Variants in HDAC9 observed in about 807,000 individuals in gnomAD.
The protein encoded by HDAC9 is histone deacetylase 9, also known as MEF-2 interacting transcription repressor (MITR) protein.
HDAC9 carries 41 observed loss-of-function variants against 139.4 expected under a neutral mutation model. That is an observed-to-expected ratio of 0.29 (90% CI 0.23 to 0.38). HDAC9 has a LOEUF of 0.38. HDAC9 is among the 10% of genes least tolerant of loss of function. The pLI is 1.00. For missense variants in HDAC9, 1,147 were observed against 1,297.0 expected, an observed-to-expected ratio of 0.88 and a Z score of 1.78; for synonymous variants, 517 against 476.2, an observed-to-expected ratio of 1.09 and a Z score of -1.12.
At chr7:18,404,052 G>T (rs1787784906) in intron 1 of HDAC9, among the ~76,000 whole-genome samples, 1 of 152,148 alleles carries the variant, frequency 6.6e-6, no homozygotes, top group Admixed American at 6.5e-5. Context: ...TGGAGAAACT[G>T]ACAGGCCAAT....
chr7:18,699,012 AGTTCGTCTTCAGACTCT>A (rs1251092987), intron 12 of HDAC9, among the ~76,000 whole-genome samples: 14 of 152,302 alleles, frequency 9.2e-5, no homozygotes, highest in African/African-American at 2.9e-4. Flanking sequence ...AATGCACAAT[AGTTCGTCTTCAGACTCT>A]GTTCCTCTTC....
chr7:18,752,759 A>G (rs113579923), intron 14 of HDAC9, among the ~76,000 whole-genome samples: 2,581 of 152,254 alleles, frequency 0.017, 74 homozygotes, highest in African/African-American at 0.059. Flanking sequence ...AAGCCAGGTC[A>G]GTGCATTGTT....
rs775797438 is a variant in HDAC9 at position 18,124,881 on chromosome 7, TTTTC to T, written c.-96-37336_-96-37333del. On this transcript the variant is annotated intron_variant, in intron 1 of 12. Transcript: ENST00000417496. Reference sequence around the variant, plus strand: ...AACAGATGACTGATATTTTCTCAGTTTTTCTTTCTTTCTTTTTCTTTTTTTTTTT... The same window carrying T: ...AACAGATGACTGATATTTTCTCAGTTTTTCTTTCTTTTTCTTTTTTTTTTT... 3.4e-3 allele frequency among the ~76,000 whole-genome samples: 509 copies of T among 150,184 alleles called. 2 individuals carry two copies. Among genetic ancestry groups the T allele is most frequent in the Middle Eastern group, 0.024 (7 of 290 alleles).
intron 17 of HDAC9, among the ~76,000 whole-genome samples, chr7:18,806,152 G>A (rs1226542445): frequency 6.6e-6 from 1 of 152,140 alleles, no homozygotes; most frequent in African/African-American, 2.4e-5. Flanking sequence ...AGAAAGACTA[G>A]GGCTTGGAGA....
At position 18,996,971 on chromosome 7, in the gene HDAC9, G is replaced by GACTT. The variant is rs1279988742; in HGVS notation, c.*911_*914dup. ...CTTAATTTGTTGCATATCTATCAAG[G>GACTT]ACTTATTCACTCACCTTTCCTTTTC... is the stretch of plus-strand genomic sequence containing the variant. On this transcript the variant is annotated 3_prime_UTR_variant, in exon 26 of 26. Coordinates refer to ENST00000686413, the MANE Select transcript of HDAC9 (RefSeq NM_178425.4). 3 of 152,054 alleles carry GACTT rather than the reference G, an allele frequency of 2.0e-5. No individual in the cohort carries two copies. Among genetic ancestry groups the GACTT allele is most frequent in the Admixed American group, 6.6e-5 (1 of 15,242 alleles). The allele number at this position is 152,054 out of a possible 1,614,324, so 9.4% of individuals were successfully genotyped here.
intron 2 of HDAC9, among the ~76,000 whole-genome samples, chr7:18,536,064 G>A (rs1410828684): frequency 6.6e-6 from 1 of 152,164 alleles, no homozygotes; most frequent in Non-Finnish European, 1.5e-5. Context: ...TTCTTTTGTA[G>A]TTCAAGCCTA....
intron 1 of HDAC9, among the ~76,000 whole-genome samples, chr7:18,320,495 A>G (rs1283097803): frequency 6.6e-6 from 1 of 152,128 alleles, no homozygotes; most frequent in Non-Finnish European, 1.5e-5. Context: ...AGTATCCCTT[A>G]TTGTCAATCA....
chr7:18,677,361 G>A (rs1321880427), intron 12 of HDAC9, among the ~76,000 whole-genome samples: 1 of 150,052 alleles, frequency 6.7e-6, no homozygotes, highest in Non-Finnish European at 1.5e-5. Context: ...GTACAGATAT[G>A]CCACAATTTG....
chr7:18,237,499 C>T (rs976985990), intron 2 of HDAC9, among the ~76,000 whole-genome samples: 11 of 151,966 alleles, frequency 7.2e-5, no homozygotes, highest in Non-Finnish European at 1.5e-5. Flanking sequence ...TTAATTCTGG[C>T]ATATGTGGAA....
intron 1 of HDAC9, among the ~76,000 whole-genome samples, chr7:18,391,689 C>G (rs995384641): frequency 1.3e-5 from 2 of 152,180 alleles, no homozygotes; most frequent in South Asian, 2.1e-4. Context: ...ACTTTTTCAT[C>G]TTTATCACCT....
At chr7:18,900,131 C>A (rs1220402516) in intron 22 of HDAC9, among the ~76,000 whole-genome samples, 2 of 152,008 alleles carry the variant, frequency 1.3e-5, no homozygotes, top group African/African-American at 4.8e-5. Context: ...TGAATACATA[C>A]AAGAATTTTG....
intron 2 of HDAC9, among the ~76,000 whole-genome samples, chr7:18,188,792 A>G (rs1429820880): frequency 6.6e-6 from 1 of 152,228 alleles, no homozygotes; most frequent in Non-Finnish European, 1.5e-5. Context: ...CCACAATGAG[A>G]TACTATCTCA....
chr7:18,411,343 GT>G (rs1275512244), intron 1 of HDAC9, among the ~76,000 whole-genome samples: 1 of 152,122 alleles, frequency 6.6e-6, no homozygotes, highest in African/African-American at 2.4e-5. Context: ...TTCATTTTTA[GT>G]ACAGTATTCA....
chr7:18,405,165 T>C lies in HDAC9; in HGVS notation c.-41-91097T>C, dbSNP rs112667863. On this transcript the variant is annotated intron_variant, in intron 1 of 3. Coordinates refer to the HDAC9 transcript ENST00000413509. ...TTGATTTTTTTCTTCATCAAAGTTA[T>C]AACAAAATAACATTATTTGAGGACA... Among the ~76,000 whole-genome samples, 881 of 152,302 alleles carry C rather than the reference T, an allele frequency of 5.8e-3. 9 individuals are homozygous for C. The highest frequency in any genetic ancestry group is 0.01 in the Middle Eastern group (3 of 294).
At chr7:18,550,506 C>T (rs187308941) in intron 2 of HDAC9, among the ~76,000 whole-genome samples, 105 of 152,162 alleles carry the variant, frequency 6.9e-4, no homozygotes, top group Non-Finnish European at 1.3e-3. Flanking sequence ...GAGACAGAAA[C>T]AAAACAGACT....
chr7:18,925,821 T>G (rs1479150211), intron 22 of HDAC9, among the ~76,000 whole-genome samples: 3 of 151,910 alleles, frequency 2.0e-5, no homozygotes, highest in African/African-American at 4.8e-5. Flanking sequence ...CACAATGTCT[T>G]TTTTAAAAAC....
chr7:18,972,019 A>C (rs1043704186), intron 24 of HDAC9, among the ~76,000 whole-genome samples: 5 of 152,238 alleles, frequency 3.3e-5, no homozygotes. Flanking sequence ...CTGTTGAGAA[A>C]TAAGACCCAA....
chr7:18,542,593 C>G (rs185495911), intron 2 of HDAC9, among the ~76,000 whole-genome samples: 5 of 152,188 alleles, frequency 3.3e-5, no homozygotes, highest in Admixed American at 3.3e-4. Flanking sequence ...ATACATGCAA[C>G]AAAGCTCAAC....
intron 2 of HDAC9, among the ~76,000 whole-genome samples, chr7:18,541,514 T>C (rs1462025955): frequency 6.6e-6 from 1 of 152,182 alleles, no homozygotes; most frequent in Non-Finnish European, 1.5e-5. Context: ...TTTATGTTTT[T>C]CTCTGGTTGG....
Sources: gnomAD v4.1 joint callset for allele counts (sites outside exome capture counted in the v4.1 genomes callset) on GRCh38, gnomAD v4.1.1 for gene constraint, MANE v1.5 for transcripts, NCBI Gene and HGNC (gene_info 2026-07-23, HGNC 2026-07-21) for gene names.